ZNF532: variants seen among roughly 807,000 people sequenced by gnomAD.
ZNF532 encodes zinc finger protein 532.
In ZNF532, 22 loss-of-function variants were observed where a neutral mutation model predicts 89.3. The observed-to-expected ratio is 0.25, with a 90% CI of 0.18 to 0.35. The LOEUF is 0.35. Among genes scored for constraint, ZNF532 ranks in the 10% least tolerant of loss-of-function variants. The pLI is 1.00. For synonymous variants in ZNF532, 606 were observed against 649.6 expected (o/e 0.93, Z 1.02); for missense variants, 1,132 against 1,643.4 (o/e 0.69, Z 5.38).
chr18:58,864,706 A>G (rs1191004584), upstream of ZNF532: 1 of 152,284 alleles, frequency 6.6e-6, no homozygotes, highest in African/African-American at 2.4e-5. Flanking sequence ...GGAAGACCTA[A>G]GAGGGAAGAG....
intron 2 of ZNF532, among the ~76,000 whole-genome samples, chr18:58,888,717 ATATATATAAATTATATATATATATTT>A (rs1568244819): frequency 2.1e-3 from 106 of 49,480 alleles, no homozygotes; most frequent in African/African-American, 0.011. Flanking sequence ...ATATATATAT[ATATATATAAATTATATATATATATTT>A]TATATATATA....
At chr18:58,908,312 T>C (rs982474608) in intron 2 of ZNF532, among the ~76,000 whole-genome samples, 3 of 152,234 alleles carry the variant, frequency 2.0e-5, no homozygotes, top group Non-Finnish European at 4.4e-5. Flanking sequence ...GGATGTTAAA[T>C]GCTCTTTTTC....
At chr18:58,975,093 G>A (rs1449276404) in intron 7 of ZNF532, among the ~76,000 whole-genome samples, 1 of 152,178 alleles carries the variant, frequency 6.6e-6, no homozygotes, top group Non-Finnish European at 1.5e-5. Context: ...CCAGTGGAAG[G>A]GGTCAGAGCT....
At chr18:58,973,134 ACT>A (rs2066650515) in intron 7 of ZNF532, among the ~76,000 whole-genome samples, 1 of 152,128 alleles carries the variant, frequency 6.6e-6, no homozygotes, top group Non-Finnish European at 1.5e-5. Flanking sequence ...GTTTTCACTC[ACT>A]CTGTCGCCCA....
intron 2 of ZNF532, among the ~76,000 whole-genome samples, chr18:58,905,623 C>A (rs2059889806): frequency 6.6e-6 from 1 of 152,148 alleles, no homozygotes; most frequent in South Asian, 2.1e-4. Context: ...TGGTCTCAAA[C>A]TTGTGAGCTC....
intron 3 of ZNF532, among the ~76,000 whole-genome samples, chr18:58,932,971 A>C (rs1429756076): frequency 6.6e-6 from 1 of 152,136 alleles, no homozygotes; most frequent in Non-Finnish European, 1.5e-5. Context: ...AGTAAGTGCA[A>C]GACATTTTAA....
upstream of ZNF532, chr18:58,863,424 G>GC (rs2144257545): frequency 1.0e-3 from 1 of 962 alleles, no homozygotes; most frequent in African/African-American, 0.012. Context: ...GCCGCCGCCC[G>GC]GTCCCGGAGC....
intron 4 of ZNF532, among the ~76,000 whole-genome samples, chr18:58,938,043 T>C (rs571390745): frequency 2.7e-4 from 41 of 152,306 alleles, no homozygotes; most frequent in African/African-American, 9.6e-4. Flanking sequence ...AAAGCTTAAA[T>C]AGAATGCATA....
chr18:58,966,988 G>A (rs1256225770), intron 7 of ZNF532, among the ~76,000 whole-genome samples: 1 of 152,108 alleles, frequency 6.6e-6, no homozygotes, highest in African/African-American at 2.4e-5. Context: ...TCATGACACT[G>A]CATGAGAGTA....
intron 3 of ZNF532, among the ~76,000 whole-genome samples, chr18:58,930,077 A>G (rs900976508): frequency 6.6e-6 from 1 of 152,194 alleles, no homozygotes; most frequent in African/African-American, 2.4e-5. Flanking sequence ...AAACATAAAT[A>G]TACAGCCATA....
chr18:58,907,476 A>C (rs1045112260), intron 2 of ZNF532, among the ~76,000 whole-genome samples: 2 of 150,668 alleles, frequency 1.3e-5, no homozygotes, highest in African/African-American at 4.9e-5. Flanking sequence ...GGTGTGAGCC[A>C]CTGCACCCAG....
At chr18:58,870,729 G>C (rs1462443253) in intron 2 of ZNF532, among the ~76,000 whole-genome samples, 2 of 152,192 alleles carry the variant, frequency 1.3e-5, no homozygotes, top group Non-Finnish European at 2.9e-5. Flanking sequence ...TGTGGGGATG[G>C]AGTGGTAGGT....
intron 7 of ZNF532, among the ~76,000 whole-genome samples, chr18:58,974,053 T>A (rs570881175): frequency 1.1e-4 from 17 of 152,318 alleles, no homozygotes; most frequent in Admixed American, 2.0e-4. Context: ...ATGTCTTGAC[T>A]GTGGTGGCAC....
chr18:58,877,105 C>T (rs934175319), intron 2 of ZNF532, among the ~76,000 whole-genome samples: 2 of 151,986 alleles, frequency 1.3e-5, no homozygotes, highest in African/African-American at 2.4e-5. Context: ...GTTTGGTTCA[C>T]GGATTCAGTA....
At chr18:58,950,812 A>G (rs1300405793) in intron 6 of ZNF532, among the ~76,000 whole-genome samples, 2 of 152,232 alleles carry the variant, frequency 1.3e-5, no homozygotes, top group Non-Finnish European at 2.9e-5. Context: ...TAAAAATGAC[A>G]GTATGAATGA....
intron 7 of ZNF532, among the ~76,000 whole-genome samples, chr18:58,960,002 G>A (rs146373276): frequency 6.6e-6 from 1 of 151,984 alleles, no homozygotes; most frequent in African/African-American, 2.4e-5. Flanking sequence ...GCAGTGGCAC[G>A]ATCTTGGCTC....
chr18:58,922,928 C>T (rs2146179025), intron 3 of ZNF532, among the ~76,000 whole-genome samples: 1 of 152,264 alleles, frequency 6.6e-6, no homozygotes, highest in East Asian at 1.9e-4. Flanking sequence ...ACCTTTTAGG[C>T]TCAACAGCCA....
In ZNF532 at chr18:58,972,427, A is replaced by G. The variant is rs112800674; in HGVS notation, c.3151-6628A>G. 7.4e-3 allele frequency among the ~76,000 whole-genome samples: 1,124 copies of G among 152,300 alleles called. 13 individuals are homozygous for G. The highest frequency in any genetic ancestry group is 0.025 in the African/African-American group (1,053 of 41,558). Reference sequence around the variant, plus strand: ...AATCTTTTCTCTTTTACATTGTGCAATAAGCATTTGTTACTTTGATAAAGA... The same window carrying G: ...AATCTTTTCTCTTTTACATTGTGCAGTAAGCATTTGTTACTTTGATAAAGA... On this transcript the variant is annotated intron_variant, in intron 7 of 9. Transcript: ENST00000591808.
intron 6 of ZNF532, 57 bp from the exon 7 acceptor site, chr18:58,953,461 T>C (rs1334890612): frequency 4.1e-6 from 6 of 1,481,294 alleles, no homozygotes; most frequent in Admixed American, 2.0e-5. Context: ...AGCATACTTG[T>C]GCTTTCTTTT....
Sources: allele counts gnomAD v4.1 joint callset (sites outside exome capture counted in the v4.1 genomes callset), GRCh38; gene constraint gnomAD v4.1.1; transcripts MANE v1.5; gene names NCBI Gene and HGNC (gene_info 2026-07-23, HGNC 2026-07-21).